SGCZ: variants seen among roughly 807,000 people sequenced by gnomAD.
SGCZ encodes the protein zeta-sarcoglycan.
Under a neutral mutation model 41.3 loss-of-function variants are expected in SGCZ, and 40 were observed. The ratio of observed to expected loss-of-function variants is 0.97; its 90% CI spans 0.75 to 1.26. The LOEUF (loss-of-function observed/expected upper bound fraction) is 1.26, where lower values mean the gene tolerates loss of function less well. SGCZ is among the 50% of genes most tolerant of loss of function. The probability of loss-of-function intolerance (pLI) is 0.00; values close to 1 mark genes in which losing one functional copy is unlikely to be tolerated. For synonymous variants in SGCZ, 206 were observed against 137.5 expected, an observed-to-expected ratio of 1.50 and a Z score of -3.49; for missense variants, 552 against 369.8, an observed-to-expected ratio of 1.49 and a Z score of -4.04.
intron 2 of SGCZ, among the ~76,000 whole-genome samples, chr8:14,379,844 G>A (rs1036319804): frequency 1.3e-5 from 2 of 152,142 alleles, no homozygotes; most frequent in East Asian, 3.9e-4. Context: ...TGATTCTCCT[G>A]CCTCAGCCTC....
At chr8:15,144,868 A>C (rs1000296103) in intron 1 of SGCZ, among the ~76,000 whole-genome samples, 2 of 152,204 alleles carry the variant, frequency 1.3e-5, no homozygotes, top group Non-Finnish European at 2.9e-5. Context: ...TTTCCGGTGT[A>C]CCGTACCACA....
intron 1 of SGCZ, among the ~76,000 whole-genome samples, chr8:14,900,979 T>C (rs1485890713): frequency 6.6e-6 from 1 of 152,238 alleles, no homozygotes; most frequent in African/African-American, 2.4e-5. Context: ...ATAGTCTAGA[T>C]AGCTCAGGCT....
chr8:14,926,969 CA>C (rs1444601648), intron 1 of SGCZ, among the ~76,000 whole-genome samples: 6 of 151,634 alleles, frequency 4.0e-5, no homozygotes, highest in Non-Finnish European at 8.8e-5. Flanking sequence ...GAAATGACAT[CA>C]AAAGTCTTTC....
chr8:14,150,029 A>G (rs1563154843), intron 5 of SGCZ, among the ~76,000 whole-genome samples: 1 of 152,164 alleles, frequency 6.6e-6, no homozygotes, highest in South Asian at 2.1e-4. Context: ...ACAAATCAAA[A>G]TGGATTAAAG....
At chr8:14,725,404 C>A (rs2165591) in intron 1 of SGCZ, among the ~76,000 whole-genome samples, 1 of 151,882 alleles carries the variant, frequency 6.6e-6, no homozygotes, top group Non-Finnish European at 1.5e-5. Flanking sequence ...TTTGAGGAAC[C>A]GTTTTCCTTA....
intron 7 of SGCZ, among the ~76,000 whole-genome samples, chr8:14,095,626 C>G (rs1246703181): frequency 1.3e-5 from 2 of 152,070 alleles, no homozygotes; most frequent in Non-Finnish European, 2.9e-5. Context: ...GTAGTTTTTT[C>G]CAATTCTGTG....
intron 1 of SGCZ, among the ~76,000 whole-genome samples, chr8:15,162,286 G>A (rs1320620307): frequency 6.6e-6 from 1 of 152,094 alleles, no homozygotes; most frequent in Non-Finnish European, 1.5e-5. Context: ...TAAATAACGA[G>A]GAATTTTTTT....
At chr8:14,936,048 G>T (rs1020858380) in intron 1 of SGCZ, among the ~76,000 whole-genome samples, 2 of 152,018 alleles carry the variant, frequency 1.3e-5, no homozygotes, top group South Asian at 2.1e-4. Context: ...AAACTTGTAT[G>T]TACCTAGACT....
Position 14,836,841 on chromosome 8 carries a change from C to T in SGCZ, c.40-281915G>A, listed in dbSNP as rs182510612. On this transcript the variant is annotated intron_variant, in intron 1 of 7. Transcript: ENST00000382080. ...CTTAATGACAAATCAAATTATGTCA[C>T]TTCCTTCTTAAAAATATCTTATGGC... is the stretch of plus-strand genomic sequence containing the variant. 3.6e-3 allele frequency among the ~76,000 whole-genome samples: 545 copies of T among 152,268 alleles called. 6 individuals are homozygous for T. The highest frequency in any genetic ancestry group is 0.013 in the African/African-American group (523 of 41,548).
chr8:14,429,697 TAGA>T lies in SGCZ; in HGVS notation c.235-105496_235-105494del, dbSNP rs951306022. On this transcript the variant is annotated intron_variant, in intron 2 of 7. Transcript: ENST00000382080. ...AATGACTAGCGTGGCTAATCGTCCT[TAGA>T]AGAAGAGGACAAAACACAGTTCTAC... Among the ~76,000 whole-genome samples the T allele has an allele frequency of 3.9e-5, 6 of 152,276 alleles. 1 individual carries two copies. The highest frequency in any genetic ancestry group is 1.4e-4 in the African/African-American group (6 of 41,564).
chr8:14,394,508 T>C (rs1001397406), intron 2 of SGCZ, among the ~76,000 whole-genome samples: 1 of 152,218 alleles, frequency 6.6e-6, no homozygotes, highest in East Asian at 1.9e-4. Flanking sequence ...CACTTTTTAA[T>C]GATGACACAT....
intron 1 of SGCZ, among the ~76,000 whole-genome samples, chr8:15,207,823 C>A (rs907651754): frequency 2.0e-5 from 3 of 152,090 alleles, no homozygotes; most frequent in Admixed American, 6.6e-5. Flanking sequence ...CTGAAATAAT[C>A]TGAATAAGCT....
chr8:14,284,870 T>C (rs542637519), intron 3 of SGCZ, among the ~76,000 whole-genome samples: 1 of 152,316 alleles, frequency 6.6e-6, no homozygotes, highest in East Asian at 1.9e-4. Context: ...CATCTGTATG[T>C]TTTTTCTGTT....
At chr8:15,072,592 T>C (rs560182012) in intron 1 of SGCZ, among the ~76,000 whole-genome samples, 1 of 152,126 alleles carries the variant, frequency 6.6e-6, no homozygotes, top group South Asian at 2.1e-4. Flanking sequence ...AGAAATTGGA[T>C]ATAGAACATT....
At chr8:14,991,266 T>C (rs1404608199) in intron 1 of SGCZ, among the ~76,000 whole-genome samples, 1 of 152,138 alleles carries the variant, frequency 6.6e-6, no homozygotes, top group Non-Finnish European at 1.5e-5. Context: ...ACAGGCTCGA[T>C]AGTAATAGGT....
intron 3 of SGCZ, among the ~76,000 whole-genome samples, chr8:14,247,369 T>A (rs1356141249): frequency 6.6e-6 from 1 of 152,154 alleles, no homozygotes; most frequent in Non-Finnish European, 1.5e-5. Context: ...TATTGATGAA[T>A]ATGTATCCAG....
At chr8:14,252,659 C>T (rs1265999400) in intron 3 of SGCZ, among the ~76,000 whole-genome samples, 1 of 151,954 alleles carries the variant, frequency 6.6e-6, no homozygotes, top group Admixed American at 6.6e-5. Context: ...GTACAAACCT[C>T]GAGATAATAT....
chr8:14,273,153 G>A (rs1371210961), intron 3 of SGCZ, among the ~76,000 whole-genome samples: 1 of 151,560 alleles, frequency 6.6e-6, no homozygotes, highest in Non-Finnish European at 1.5e-5. Context: ...ATTCATTAAG[G>A]CCTTTATTTT....
At chr8:14,996,244 T>G (rs1411710668) in intron 1 of SGCZ, among the ~76,000 whole-genome samples, 1 of 152,146 alleles carries the variant, frequency 6.6e-6, no homozygotes, top group Non-Finnish European at 1.5e-5. Flanking sequence ...TGAGAAATAC[T>G]AATCTATATA....
Sources: gnomAD v4.1 joint callset for allele counts (sites outside exome capture counted in the v4.1 genomes callset) on GRCh38, gnomAD v4.1.1 for gene constraint, MANE v1.5 for transcripts, NCBI Gene and HGNC (gene_info 2026-07-23, HGNC 2026-07-21) for gene names.